Variants in FRMD5 observed in about 807,000 individuals in gnomAD.
FRMD5 encodes the protein FERM domain containing 5.
Under a neutral mutation model 69.0 loss-of-function variants are expected in FRMD5, and 20 were observed. The ratio of observed to expected loss-of-function variants is 0.29; its 90% CI spans 0.20 to 0.42. The LOEUF is 0.42. Among genes scored for constraint, FRMD5 ranks in the 10% least tolerant of loss-of-function variants. The probability of loss-of-function intolerance (pLI) is 1.00; values close to 1 mark genes in which losing one functional copy is unlikely to be tolerated. For missense variants in FRMD5, 595 were observed against 708.6 expected (o/e 0.84, Z 1.82); for synonymous variants, 271 against 260.1 (o/e 1.04, Z -0.40).
chr15:43,939,552 G>A (rs2089825758), intron 1 of FRMD5, among the ~76,000 whole-genome samples: 2 of 151,712 alleles, frequency 1.3e-5, no homozygotes, highest in Non-Finnish European at 2.9e-5. Context: ...ATTAATTAAT[G>A]TATATATTTA....
intron 1 of FRMD5, among the ~76,000 whole-genome samples, chr15:44,180,807 G>T (rs1051536403): frequency 1.3e-5 from 2 of 151,838 alleles, no homozygotes; most frequent in African/African-American, 4.8e-5. Context: ...ATACTGCCAA[G>T]ATACCATTTC....
intron 1 of FRMD5, among the ~76,000 whole-genome samples, chr15:44,184,566 G>A (rs1222295906): frequency 6.6e-6 from 1 of 152,162 alleles, no homozygotes; most frequent in Non-Finnish European, 1.5e-5. Context: ...AAGAGAAGGT[G>A]TGACCATCAC....
At chr15:44,195,720 A>C (rs1010442273), upstream of FRMD5, among the ~76,000 whole-genome samples, 4 of 152,208 alleles carry the variant, frequency 2.6e-5, no homozygotes, top group Admixed American at 1.3e-4. Flanking sequence ...CTCGCTCCAG[A>C]TAGGGCGACT....
At chr15:44,076,972 G>T (rs1408802141) in intron 1 of FRMD5, among the ~76,000 whole-genome samples, 1 of 151,866 alleles carries the variant, frequency 6.6e-6, no homozygotes, top group Non-Finnish European at 1.5e-5. Context: ...AGATTCATCT[G>T]CTTGGCTAGC....
chr15:44,048,226 G>C (rs1892512109), intron 1 of FRMD5, among the ~76,000 whole-genome samples: 1 of 152,060 alleles, frequency 6.6e-6, no homozygotes, highest in Admixed American at 6.6e-5. Context: ...CACAAGCAAG[G>C]CTTGTCTATC....
At chr15:44,034,237 GT>G in intron 1 of FRMD5, among the ~76,000 whole-genome samples, 1 of 152,346 alleles carries the variant, frequency 6.6e-6, no homozygotes, top group East Asian at 1.9e-4. Flanking sequence ...GAAAAGTACA[GT>G]GATACAATTC....
At chr15:44,017,066 C>T (rs926782043) in intron 1 of FRMD5, among the ~76,000 whole-genome samples, 17 of 151,828 alleles carry the variant, frequency 1.1e-4, no homozygotes, top group Non-Finnish European at 2.2e-4. Flanking sequence ...TGGCCGGGTG[C>T]GGTGGCTCAC....
chr15:44,151,053 C>T (rs1347280541), intron 1 of FRMD5, among the ~76,000 whole-genome samples: 1 of 151,904 alleles, frequency 6.6e-6, no homozygotes, highest in Non-Finnish European at 1.5e-5. Flanking sequence ...GATGGCACCA[C>T]TGTACTCTTG....
At chr15:44,144,845 C>A (rs958926514) in intron 1 of FRMD5, among the ~76,000 whole-genome samples, 2 of 152,136 alleles carry the variant, frequency 1.3e-5, no homozygotes, top group Non-Finnish European at 2.9e-5. Flanking sequence ...TTGAGGAAAC[C>A]TGTGCTTGTT....
intron 1 of FRMD5, among the ~76,000 whole-genome samples, chr15:44,005,770 A>C (rs1890418142): frequency 6.6e-6 from 1 of 152,142 alleles, no homozygotes; most frequent in South Asian, 2.1e-4. Context: ...TAAACCATTC[A>C]TGAGAAGCCA....
intron 1 of FRMD5, among the ~76,000 whole-genome samples, chr15:44,142,419 ATCT>A (rs1247493588): frequency 2.6e-5 from 4 of 152,214 alleles, no homozygotes; most frequent in Non-Finnish European, 5.9e-5. Context: ...CAACTTGTAC[ATCT>A]TCTCTCAGAT....
intron 13 of FRMD5, among the ~76,000 whole-genome samples, chr15:43,882,031 C>A (rs1812412637): frequency 6.6e-6 from 1 of 152,158 alleles, no homozygotes; most frequent in Admixed American, 6.5e-5. Flanking sequence ...TCTGCTGTTT[C>A]CCGCTGTGTG....
intron 1 of FRMD5, among the ~76,000 whole-genome samples, chr15:44,064,784 G>C (rs551117672): frequency 6.6e-6 from 1 of 152,290 alleles, no homozygotes; most frequent in South Asian, 2.1e-4. Flanking sequence ...TCCCTTTTAA[G>C]TCCCAGAATT....
intron 1 of FRMD5, among the ~76,000 whole-genome samples, chr15:44,193,499 T>C (rs991501107): frequency 1.3e-5 from 2 of 152,200 alleles, no homozygotes; most frequent in African/African-American, 2.4e-5. Context: ...ATTCCACTCA[T>C]TCAGCAAGGA....
At chr15:43,924,681 T>G (rs559212169) in intron 1 of FRMD5, among the ~76,000 whole-genome samples, 49 of 152,302 alleles carry the variant, frequency 3.2e-4, no homozygotes, top group Non-Finnish European at 5.6e-4. Context: ...AAAGTAAATC[T>G]TGAATCCATT....
chr15:44,088,023 ACATCTAC>A (rs1894276809), intron 1 of FRMD5, among the ~76,000 whole-genome samples: 1 of 152,216 alleles, frequency 6.6e-6, no homozygotes, highest in Admixed American at 6.5e-5. Flanking sequence ...CATTTCGTGA[ACATCTAC>A]CATGTGCTAG....
intron 13 of FRMD5, among the ~76,000 whole-genome samples, chr15:43,883,459 G>A (rs1280430897): frequency 2.0e-5 from 3 of 152,116 alleles, no homozygotes; most frequent in Non-Finnish European, 4.4e-5. Context: ...TCCCACATAT[G>A]CAAGTCCCCC....
intron 1 of FRMD5, among the ~76,000 whole-genome samples, chr15:44,018,382 C>G (rs1466500283): frequency 6.6e-6 from 1 of 152,216 alleles, no homozygotes; most frequent in East Asian, 1.9e-4. Flanking sequence ...AGTAAAGTGT[C>G]GAGCTACTCT....
chr15:44,077,119 A>G (rs1473090001), intron 1 of FRMD5, among the ~76,000 whole-genome samples: 1 of 152,132 alleles, frequency 6.6e-6, no homozygotes, highest in African/African-American at 2.4e-5. Flanking sequence ...GGGGAAATCT[A>G]TAAGTCAAGC....
Sources: gnomAD v4.1 joint callset for allele counts (sites outside exome capture counted in the v4.1 genomes callset) on GRCh38, gnomAD v4.1.1 for gene constraint, MANE v1.5 for transcripts, NCBI Gene and HGNC (gene_info 2026-07-23, HGNC 2026-07-21) for gene names.